Variants in CTNNA2 observed in about 807,000 individuals in gnomAD.
The protein encoded by CTNNA2 is catenin alpha 2.
A neutral mutation model predicts 101.0 loss-of-function variants in CTNNA2; 42 were observed. The ratio of observed to expected loss-of-function variants is 0.42; its 90% CI spans 0.32 to 0.54. CTNNA2 has a LOEUF of 0.54. CTNNA2 is among the 20% of genes least tolerant of loss of function. The pLI is 0.14. For missense variants in CTNNA2, 871 were observed against 1,223.1 expected (o/e 0.71, Z 4.29); for synonymous variants, 450 against 456.4 (o/e 0.99, Z 0.18).
At chr2:79,662,508 G>A (rs1682107284) in intron 2 of CTNNA2, among the ~76,000 whole-genome samples, 1 of 152,050 alleles carries the variant, frequency 6.6e-6, no homozygotes, top group South Asian at 2.1e-4. Flanking sequence ...TAACAAAATT[G>A]CTTTTAACTA....
chr2:79,424,965 G>C (rs2104505197), intron 4 of CTNNA2, among the ~76,000 whole-genome samples: 1 of 152,198 alleles, frequency 6.6e-6, no homozygotes, highest in East Asian at 1.9e-4. Flanking sequence ...TCAGTATCCA[G>C]ACAGAATGAG....
rs1389475346 is a variant in CTNNA2 at position 80,630,302 on chromosome 2, G to A, written c.2574+11074G>A. On this transcript the variant is annotated intron_variant, in intron 18 of 18. Transcript: ENST00000402739. Reference sequence around the variant, plus strand: ...CAATTGTTTTCCTACCGCTTTTTTAGAAAACCTTTTCATATGTCATTACAT... The same window carrying A: ...CAATTGTTTTCCTACCGCTTTTTTAAAAAACCTTTTCATATGTCATTACAT... Among the ~76,000 whole-genome samples the A allele has an allele frequency of 3.3e-5, 5 of 152,240 alleles. No homozygotes were observed. The East Asian group carries it at 9.6e-4, about 29-fold the overall frequency.
rs529743415 is a variant in CTNNA2 at position 79,965,985 on chromosome 2, CATACGTAT to C, written c.1056+56191_1056+56198del. 3.3e-4 allele frequency among the ~76,000 whole-genome samples: 50 copies of C among 152,004 alleles called. No homozygotes were observed. In the Middle Eastern group the frequency reaches 0.02, roughly 62 times the overall value. ...TTACTGGTGATAGGTGAGGGGAATA[CATACGTAT>C]ATTTTTTGCTTGCCCACAAAATTCT... On this transcript the variant is annotated intron_variant, in intron 7 of 18. Transcript: ENST00000402739.
At chr2:80,557,813 A>G (rs940048360) in intron 12 of CTNNA2, among the ~76,000 whole-genome samples, 1 of 152,092 alleles carries the variant, frequency 6.6e-6, no homozygotes, top group Non-Finnish European at 1.5e-5. Context: ...TTTTCACCCA[A>G]AGTCTTGATA....
Position 80,319,316 on chromosome 2 carries a change from TG to T in CTNNA2, c.1057-73894del, listed in dbSNP as rs5832446. Among the ~76,000 whole-genome samples the T allele has an allele frequency of 4.1e-3, 630 of 152,158 alleles. 6 individuals are homozygous for T. Among genetic ancestry groups the T allele is most frequent in the African/African-American group, 0.014 (594 of 41,442 alleles). ...TGATGGATACCAACCAGTTTTTTTT[TG>T]TTGTTGTTGTTTTTATTTCAAACAA... On this transcript the variant is annotated intron_variant, in intron 7 of 18. Transcript: ENST00000402739.
intron 3 of CTNNA2, among the ~76,000 whole-genome samples, chr2:79,831,201 A>ATT (rs894435647): frequency 6.6e-6 from 1 of 151,500 alleles, no homozygotes; most frequent in Non-Finnish European, 1.5e-5. Flanking sequence ...GTAGATTAAG[A>ATT]TTTTTTTTTA....
chr2:79,406,114 A>G (rs1342007883), intron 4 of CTNNA2, among the ~76,000 whole-genome samples: 2 of 152,072 alleles, frequency 1.3e-5, no homozygotes, highest in Non-Finnish European at 2.9e-5. Context: ...AGGAATGCAA[A>G]CTAGAACTGA....
At chr2:79,769,396 G>A (rs1017480499) in intron 3 of CTNNA2, among the ~76,000 whole-genome samples, 7 of 152,126 alleles carry the variant, frequency 4.6e-5, no homozygotes, top group African/African-American at 1.7e-4. Context: ...TGACTCTGCA[G>A]GCCACTTCTG....
At chr2:79,956,068 C>T (rs960199212) in intron 7 of CTNNA2, among the ~76,000 whole-genome samples, 4 of 152,174 alleles carry the variant, frequency 2.6e-5, no homozygotes, top group African/African-American at 4.8e-5. Context: ...TGACTGAATA[C>T]AAAAACCAGG....
chr2:80,623,879 GT>G (rs978911054), intron 18 of CTNNA2, among the ~76,000 whole-genome samples: 3 of 151,956 alleles, frequency 2.0e-5, no homozygotes, highest in African/African-American at 7.2e-5. Context: ...AAAGTATCAT[GT>G]TATTAAAAGA....
chr2:79,994,285 C>T (rs749575545), intron 7 of CTNNA2, among the ~76,000 whole-genome samples: 9 of 152,146 alleles, frequency 5.9e-5, no homozygotes, highest in Non-Finnish European at 7.4e-5. Flanking sequence ...GCCACAGACC[C>T]GTCCTGGGAA....
chr2:80,428,257 A>T (rs1681171693), intron 9 of CTNNA2, among the ~76,000 whole-genome samples: 1 of 152,220 alleles, frequency 6.6e-6, no homozygotes, highest in South Asian at 2.1e-4. Context: ...TTACTCAGAT[A>T]TTGAGTTCAT....
At chr2:80,556,255 C>T (rs951605091) in intron 12 of CTNNA2, among the ~76,000 whole-genome samples, 50 of 152,132 alleles carry the variant, frequency 3.3e-4, no homozygotes, top group African/African-American at 1.2e-3. Flanking sequence ...AATGAGGTCA[C>T]AAGGTTAGAA....
At chr2:79,320,477 A>G (rs1286625034) in intron 3 of CTNNA2, among the ~76,000 whole-genome samples, 1 of 152,034 alleles carries the variant, frequency 6.6e-6, no homozygotes, top group Admixed American at 6.6e-5. Context: ...GCTTCTTCCT[A>G]GTACTTAATG....
At chr2:80,501,523 A>G (rs905252746) in intron 9 of CTNNA2, among the ~76,000 whole-genome samples, 47 of 152,206 alleles carry the variant, frequency 3.1e-4, no homozygotes, top group Admixed American at 2.9e-3. Context: ...TAAAGAATCC[A>G]TGGAAGAGAA....
chr2:80,590,542 T>C (rs914953827), intron 15 of CTNNA2, among the ~76,000 whole-genome samples: 1 of 152,152 alleles, frequency 6.6e-6, no homozygotes, highest in Non-Finnish European at 1.5e-5. Context: ...CATCATCTGA[T>C]GGGTGACAAC....
intron 3 of CTNNA2, among the ~76,000 whole-genome samples, chr2:79,352,804 TG>T (rs1370631256): frequency 6.6e-6 from 1 of 152,194 alleles, no homozygotes; most frequent in Non-Finnish European, 1.5e-5. Context: ...TATCTGAGAC[TG>T]GGTAACTTAT....
rs189908428 is a variant in CTNNA2 at position 79,293,535 on chromosome 2, G to A, written c.-405-19174G>A. 2.0e-5 allele frequency among the ~76,000 whole-genome samples: 3 copies of A among 152,250 alleles called. No homozygotes were observed. In the East Asian group the frequency reaches 5.8e-4, roughly 29 times the overall value. On this transcript the variant is annotated intron_variant, in intron 2 of 21. Coordinates refer to the CTNNA2 transcript ENST00000466387. ...AATCAAATAAGTACATAGACAATAA[G>A]GAGTCTATAAAGCAATTTAAAGGCA...
intron 2 of CTNNA2, among the ~76,000 whole-genome samples, chr2:79,307,254 C>T (rs1186620355): frequency 6.6e-6 from 1 of 152,086 alleles, no homozygotes; most frequent in East Asian, 1.9e-4. Context: ...GTTCGACATC[C>T]TCCTTCTAGC....
Sources: gnomAD v4.1 joint callset for allele counts (sites outside exome capture counted in the v4.1 genomes callset) on GRCh38, gnomAD v4.1.1 for gene constraint, MANE v1.5 for transcripts, NCBI Gene and HGNC (gene_info 2026-07-23, HGNC 2026-07-21) for gene names.